NALCN: variants seen among roughly 807,000 people sequenced by gnomAD.
The protein encoded by NALCN is sodium leak channel NALCN.
A neutral mutation model predicts 225.3 loss-of-function variants in NALCN; 111 were observed. That is an observed-to-expected ratio of 0.49 (90% CI 0.42 to 0.58). The LOEUF (loss-of-function observed/expected upper bound fraction) is 0.58, where lower values mean the gene tolerates loss of function less well. Among genes scored for constraint, NALCN ranks in the 20% least tolerant of loss-of-function variants. NALCN has a pLI of 0.00. For synonymous variants in NALCN, 764 were observed against 769.0 expected (o/e 0.99, Z 0.11); for missense variants, 1,378 against 2,202.4 (o/e 0.63, Z 7.49).
chr13:101,388,994 C>G (rs1198688042), intron 3 of NALCN, among the ~76,000 whole-genome samples: 3 of 152,200 alleles, frequency 2.0e-5, no homozygotes, highest in South Asian at 4.1e-4. Context: ...CGGGCAACGT[C>G]CAGGGGAGTA....
chr13:101,293,867 C>T (rs372038477), intron 7 of NALCN, among the ~76,000 whole-genome samples: 3 of 152,178 alleles, frequency 2.0e-5, no homozygotes, highest in Non-Finnish European at 4.4e-5. Flanking sequence ...AAATGTCCTG[C>T]CTTTCATTTT....
intron 3 of NALCN, among the ~76,000 whole-genome samples, chr13:101,392,926 A>G (rs2047185130): frequency 6.6e-6 from 1 of 152,226 alleles, no homozygotes; most frequent in Non-Finnish European, 1.5e-5. Context: ...ATGATTAAAT[A>G]AAATACCAAA....
At chr13:101,326,168 G>T (rs1209307245) in intron 7 of NALCN, among the ~76,000 whole-genome samples, 2 of 152,100 alleles carry the variant, frequency 1.3e-5, no homozygotes, top group Non-Finnish European at 2.9e-5. Context: ...AAACAAATCA[G>T]CTCTTAATAA....
At chr13:101,245,189 CCTT>C (rs2041858211) in intron 11 of NALCN, among the ~76,000 whole-genome samples, 1 of 152,156 alleles carries the variant, frequency 6.6e-6, no homozygotes, top group African/African-American at 2.4e-5. Context: ...TCATTGGGAC[CCTT>C]CTTCTGTTTC....
intron 14 of NALCN, among the ~76,000 whole-genome samples, chr13:101,185,902 T>TC (rs1345368618): frequency 2.0e-5 from 3 of 152,218 alleles, no homozygotes; most frequent in Non-Finnish European, 4.4e-5. Context: ...ACTTTTTTTT[T>TC]CCCTTCTCAC....
chr13:101,228,108 T>A (rs765297896), intron 13 of NALCN, among the ~76,000 whole-genome samples: 1 of 152,162 alleles, frequency 6.6e-6, no homozygotes, highest in Non-Finnish European at 1.5e-5. Flanking sequence ...TGAGGACTTA[T>A]GTCCCCATGA....
intron 14 of NALCN, among the ~76,000 whole-genome samples, chr13:101,176,639 G>C (rs1447172105): frequency 3.9e-5 from 6 of 152,012 alleles, no homozygotes; most frequent in African/African-American, 1.4e-4. Context: ...AGGTTTTTTT[G>C]AACTCAACAA....
intron 13 of NALCN, among the ~76,000 whole-genome samples, chr13:101,223,088 A>G (rs1486413596): frequency 6.6e-6 from 1 of 152,130 alleles, no homozygotes; most frequent in East Asian, 1.9e-4. Context: ...TGATTCATAC[A>G]AAACAAATTA....
intron 18 of NALCN, among the ~76,000 whole-genome samples, chr13:101,117,834 A>T (rs956222415): frequency 2.0e-5 from 3 of 152,208 alleles, no homozygotes; most frequent in Non-Finnish European, 4.4e-5. Context: ...ACATCAATGC[A>T]TGTCTATGGA....
intron 1 of NALCN, among the ~76,000 whole-genome samples, chr13:101,410,924 G>A (rs2047762498): frequency 6.6e-6 from 1 of 152,064 alleles, no homozygotes; most frequent in African/African-American, 2.4e-5. Context: ...TAGTTTTTGT[G>A]GATATATCTT....
At chr13:101,240,357 A>G (rs534961008) in intron 11 of NALCN, among the ~76,000 whole-genome samples, 1 of 146,302 alleles carries the variant, frequency 6.8e-6, no homozygotes, top group Admixed American at 6.8e-5. Flanking sequence ...CTCTCTCTCT[A>G]TCTATCTATG....
chr13:101,304,526 G>A (rs577711722), intron 7 of NALCN, among the ~76,000 whole-genome samples: 3 of 151,868 alleles, frequency 2.0e-5, no homozygotes, highest in South Asian at 4.2e-4. Context: ...GTGCCATCTC[G>A]GCTCACTTCA....
chr13:101,247,754 C>A lies in NALCN; in HGVS notation c.1267-9832G>T, dbSNP rs12875405. 5.2e-3 allele frequency among the ~76,000 whole-genome samples: 790 copies of A among 152,128 alleles called. 2 individuals are homozygous for A. Among genetic ancestry groups the A allele is most frequent in the Middle Eastern group, 0.01 (3 of 294 alleles). ...GTTTGCTGCACCTATAAACCCATGACCTAGGTATTAAGCCCCACATGCATT... is the reference window on the plus strand; with the variant it reads ...GTTTGCTGCACCTATAAACCCATGAACTAGGTATTAAGCCCCACATGCATT... On this transcript the variant is annotated intron_variant, in intron 11 of 43. Transcript: ENST00000251127.
rs116611897 is a variant in NALCN at position 101,108,374 on chromosome 13, C to T, written c.2365-585G>A. On this transcript the variant is annotated intron_variant, in intron 20 of 43. Coordinates refer to ENST00000251127, the MANE Select transcript of NALCN (RefSeq NM_052867.4). ...CAAGTGGAAACAAAACATCCTTATT[C>T]TCATAGGATGTTCTAGTCAGTGGGA... 5.2e-3 allele frequency among the ~76,000 whole-genome samples: 792 copies of T among 152,162 alleles called. 5 individuals carry two copies. Among genetic ancestry groups the T allele is most frequent in the African/African-American group, 0.017 (703 of 41,510 alleles).
At chr13:101,411,292 A>G (rs2047777409) in intron 1 of NALCN, among the ~76,000 whole-genome samples, 3 of 150,320 alleles carry the variant, frequency 2.0e-5, no homozygotes, top group African/African-American at 2.4e-5. Flanking sequence ...TTAAAAAGAT[A>G]TTGAGTCTGT....
chr13:101,330,261 A>C (rs2045116444), intron 7 of NALCN, among the ~76,000 whole-genome samples: 1 of 152,036 alleles, frequency 6.6e-6, no homozygotes, highest in Non-Finnish European at 1.5e-5. Flanking sequence ...CAGCGGTCAG[A>C]GAGTTTGGGA....
chr13:101,289,148 C>T (rs1308914499), intron 9 of NALCN, among the ~76,000 whole-genome samples: 1 of 152,202 alleles, frequency 6.6e-6, no homozygotes, highest in Non-Finnish European at 1.5e-5. Context: ...TCAACCCAAT[C>T]CACAACTGAG....
intron 15 of NALCN, among the ~76,000 whole-genome samples, chr13:101,168,309 G>T (rs2038551012): frequency 6.6e-6 from 1 of 151,988 alleles, no homozygotes; most frequent in African/African-American, 2.4e-5. Context: ...TTTCAGCCTA[G>T]ATATTCCACC....
chr13:101,084,024 C>G (rs914814966), intron 30 of NALCN, among the ~76,000 whole-genome samples: 6 of 152,106 alleles, frequency 3.9e-5, no homozygotes, highest in African/African-American at 1.4e-4. Flanking sequence ...AATTCAGCAG[C>G]CTTCGACTTG....
Sources: gnomAD v4.1 joint callset for allele counts (sites outside exome capture counted in the v4.1 genomes callset) on GRCh38, gnomAD v4.1.1 for gene constraint, MANE v1.5 for transcripts, NCBI Gene and HGNC (gene_info 2026-07-23, HGNC 2026-07-21) for gene names.